Variants in CCDC91 observed in about 807,000 individuals in gnomAD.
CCDC91 encodes the protein coiled-coil domain containing 91.
In CCDC91, 48 loss-of-function variants were observed where a neutral mutation model predicts 63.2. The observed-to-expected ratio is 0.76, with a 90% confidence interval of 0.60 to 0.97. The LOEUF is 0.97. Among genes scored for constraint, CCDC91 ranks in the 50% least tolerant of loss-of-function variants. CCDC91 has a pLI of 0.00. For synonymous variants in CCDC91, 167 were observed against 165.8 expected, an observed-to-expected ratio of 1.01 and a Z score of -0.06; for missense variants, 500 against 494.6, an observed-to-expected ratio of 1.01 and a Z score of -0.10.
At chr12:28,503,953 G>A (rs1938346238) in intron 12 of CCDC91, among the ~76,000 whole-genome samples, 1 of 151,770 alleles carries the variant, frequency 6.6e-6, no homozygotes, top group South Asian at 2.1e-4. Context: ...GGGAAGGGGG[G>A]AGGGATAGCA....
chr12:28,378,894 C>T (rs1945108198), intron 7 of CCDC91, among the ~76,000 whole-genome samples: 1 of 152,076 alleles, frequency 6.6e-6, no homozygotes, highest in African/African-American at 2.4e-5. Flanking sequence ...GTTGAGAATA[C>T]TTCTGTGTGC....
At chr12:28,314,143 C>T (rs996981615) in intron 6 of CCDC91, among the ~76,000 whole-genome samples, 8 of 151,022 alleles carry the variant, frequency 5.3e-5, no homozygotes, top group African/African-American at 2.0e-4. Context: ...TGCAGTGCCT[C>T]GTGGCTACAG....
chr12:28,520,179 T>C (rs1940461551), intron 12 of CCDC91, among the ~76,000 whole-genome samples: 1 of 152,202 alleles, frequency 6.6e-6, no homozygotes, highest in African/African-American at 2.4e-5. Flanking sequence ...TAGTTTACAG[T>C]CCCACCAACA....
intron 1 of CCDC91, among the ~76,000 whole-genome samples, chr12:28,228,221 G>A (rs1241434958): frequency 6.6e-6 from 1 of 151,888 alleles, no homozygotes; most frequent in South Asian, 2.1e-4. Flanking sequence ...CTATGTCTTT[G>A]CCAGGAATGT....
At chr12:28,202,200 T>C (rs545010947) in intron 1 of CCDC91, among the ~76,000 whole-genome samples, 1 of 152,360 alleles carries the variant, frequency 6.6e-6, no homozygotes, top group South Asian at 2.1e-4. Flanking sequence ...TTTGAAACTG[T>C]ATCTAAGAAA....
intron 7 of CCDC91, among the ~76,000 whole-genome samples, chr12:28,371,096 T>C (rs1051134689): frequency 6.6e-6 from 1 of 152,110 alleles, no homozygotes; most frequent in African/African-American, 2.4e-5. Context: ...ATAAAGTCTA[T>C]TTTTTTCTGA....
chr12:28,351,809 A>G (rs1049682668), intron 6 of CCDC91, among the ~76,000 whole-genome samples: 5 of 152,024 alleles, frequency 3.3e-5, no homozygotes, highest in South Asian at 2.1e-4. Context: ...CCTAGGCTTC[A>G]TCCTAGGCTT....
chr12:28,457,067 A>G lies in CCDC91; in HGVS notation c.1101+4413A>G, dbSNP rs79563123. 4.7e-3 allele frequency among the ~76,000 whole-genome samples: 708 copies of G among 152,220 alleles called. 8 individuals carry two copies. The highest frequency in any genetic ancestry group is 0.014 in the African/African-American group (599 of 41,536). ...ATGAAATAATGAAAGTGTTAAAGTT[A>G]TTGGTGCTGTCTGTGTCACCCTGTA... On this transcript the variant is annotated intron_variant, in intron 11 of 12. Transcript: ENST00000536442.
intron 1 of CCDC91, among the ~76,000 whole-genome samples, chr12:28,203,811 T>G (rs149975738): frequency 0.017 from 2,539 of 152,300 alleles, 28 homozygotes; most frequent in South Asian, 0.031. Flanking sequence ...TGAGTCAGTT[T>G]TGAATAGAGG....
intron 6 of CCDC91, among the ~76,000 whole-genome samples, chr12:28,353,878 A>G (rs78008676): frequency 0.011 from 1,617 of 152,264 alleles, 37 homozygotes; most frequent in African/African-American, 0.037. Flanking sequence ...GAAACAACAC[A>G]CATTGGGGCC....
At chr12:28,539,761 C>G (rs185045766) in intron 12 of CCDC91, among the ~76,000 whole-genome samples, 1 of 151,968 alleles carries the variant, frequency 6.6e-6, no homozygotes, top group Non-Finnish European at 1.5e-5. Flanking sequence ...TTAAGAGTAC[C>G]GACAAGGAGG....
chr12:28,533,577 AAT>A (rs1437136447), intron 12 of CCDC91, among the ~76,000 whole-genome samples: 1 of 152,078 alleles, frequency 6.6e-6, no homozygotes, highest in Non-Finnish European at 1.5e-5. Context: ...TTTGATAAAA[AAT>A]ATATCTGTTT....
At chr12:28,219,597 A>G (rs559043798) in intron 1 of CCDC91, among the ~76,000 whole-genome samples, 11 of 150,122 alleles carry the variant, frequency 7.3e-5, no homozygotes, top group Admixed American at 6.7e-4. Flanking sequence ...TCAGCCTCCC[A>G]AGTAGCTGGG....
chr12:28,252,491 A>G lies in CCDC91; in HGVS notation c.-14-4711A>G, dbSNP rs554128672. Among the ~76,000 whole-genome samples, 157 of 151,626 alleles carry G rather than the reference A, an allele frequency of 1.0e-3. 1 individual carries two copies. Among genetic ancestry groups the G allele is most frequent in the African/African-American group, 3.4e-3 (142 of 41,376 alleles). On this transcript the variant is annotated intron_variant, in intron 1 of 12. Transcript: ENST00000536442. ...TTCTCTTATACTTTTTTAAAAGAAA[A>G]TTTCCTTAATTTTATTTTCTATCCG...
intron 1 of CCDC91, among the ~76,000 whole-genome samples, chr12:28,241,499 T>A (rs1466130926): frequency 6.6e-6 from 1 of 152,164 alleles, no homozygotes; most frequent in African/African-American, 2.4e-5. Context: ...ATCATTTCCT[T>A]CATTCCTGTA....
chr12:28,391,520 G>A, intron 8 of CCDC91, 109 bp downstream of exon 8: 1 of 610,660 alleles, frequency 1.6e-6, no homozygotes, highest in Non-Finnish European at 2.7e-6. Flanking sequence ...GGTGTATTTT[G>A]GAGAAAAAAT....
At chr12:28,278,506 C>G (rs1222697634) in intron 3 of CCDC91, among the ~76,000 whole-genome samples, 2 of 152,042 alleles carry the variant, frequency 1.3e-5, no homozygotes, top group East Asian at 3.8e-4. Context: ...CACACTTGAA[C>G]TCTTATTTCT....
chr12:28,273,901 A>G (rs559585986), intron 3 of CCDC91, among the ~76,000 whole-genome samples: 1 of 152,230 alleles, frequency 6.6e-6, no homozygotes, highest in African/African-American at 2.4e-5. Context: ...TGTTTTTGAC[A>G]TGAAGTCCTT....
rs1165950844 is a variant in CCDC91 at position 28,505,455 on chromosome 12, T to C, written c.1215+21290T>C. 3 of 151,652 alleles carry C rather than the reference T, an allele frequency of 2.0e-5. No homozygotes were observed. The East Asian group carries it at 5.9e-4, about 30-fold the overall frequency. 9.4% of individuals were successfully genotyped at this position (151,652 alleles called of 1,614,324 possible). A position where few individuals can be genotyped will look rare whatever the true frequency, so the allele number is the denominator to read the frequency against. On this transcript the variant is annotated intron_variant, in intron 12 of 12. Transcript: ENST00000536442. ...GTCTGATCTCGGAAGCTAAGGAGGG[T>C]CGGGCCTGGTTAGTACTTGGATGGG...
Sources: gnomAD v4.1 joint callset for allele counts (sites outside exome capture counted in the v4.1 genomes callset) on GRCh38, gnomAD v4.1.1 for gene constraint, MANE v1.5 for transcripts, NCBI Gene and HGNC (gene_info 2026-07-23, HGNC 2026-07-21) for gene names.